KLK14: variants seen among roughly 807,000 people sequenced by gnomAD.
The protein encoded by KLK14 is kallikrein related peptidase 14, also known as kallikrein-14.
Under a neutral mutation model 24.6 loss-of-function variants are expected in KLK14, and 21 were observed. The observed-to-expected ratio is 0.85, with a 90% CI of 0.61 to 1.23. The LOEUF is 1.23. Among genes scored for constraint, KLK14 ranks in the 50% most tolerant of loss-of-function variants. The pLI is 0.00. For synonymous variants in KLK14, 133 were observed against 139.7 expected, an observed-to-expected ratio of 0.95 and a Z score of 0.34; for missense variants, 320 against 338.9, an observed-to-expected ratio of 0.94 and a Z score of 0.44.
Position 51,078,897 on chromosome 19 carries a change from A to G in KLK14, c.521T>C (p.Val174Ala). Residue 174 changes from valine (V) to alanine (A), a missense_variant, in exon 5 of 6, where the codon GTG becomes GCG. Physicochemically the swap from Val to Ala is moderately conservative, Grantham distance 64 (BLOSUM62 0). Coordinates refer to ENST00000650543, the MANE Select transcript of KLK14 (RefSeq NM_001369775.2). This position sits in a 1 kb window ranked among gnomAD's most constrained non-coding sequence, Gnocchi z 5.0. Reference protein sequence around the residue: ...CVNINISPDEVCQKAYPRTIT... With the variant: ...CVNINISPDEACQKAYPRTIT... ...GGTTCTAGGATAGGCCTTCTGGCAC[A>G]CCTCATCCGGGGAGATGTTGATGTT... is the stretch of plus-strand genomic sequence containing the variant. 3 of 1,613,994 alleles carry G rather than the reference A, an allele frequency of 1.9e-6. No homozygotes were observed. Among genetic ancestry groups the G allele is most frequent in the Non-Finnish European group, 2.5e-6 (3 of 1,179,924 alleles).
In KLK14 at chr19:51,082,471, C is replaced by T. The variant is rs2091846661; in HGVS notation, c.40+104G>A. 12 of 1,044,448 alleles carry T rather than the reference C, an allele frequency of 1.1e-5. No homozygotes were observed. The South Asian group carries it at 1.7e-4, about 15-fold the overall frequency. 64.7% of individuals were successfully genotyped at this position (1,044,448 alleles called of 1,614,324 possible). A position where few individuals can be genotyped will look rare whatever the true frequency, so the allele number is the denominator to read the frequency against. On this transcript the variant is annotated intron_variant, in intron 2 of 5. Coordinates refer to ENST00000650543, the MANE Select transcript of KLK14 (RefSeq NM_001369775.2). ...ACCCCCAAACCACTCCCTGCTCTTTCTTATGAGGTCACCATGAGCATCCAG... is the reference window on the plus strand; with the variant it reads ...ACCCCCAAACCACTCCCTGCTCTTTTTTATGAGGTCACCATGAGCATCCAG...
rs2091828480 is a variant in KLK14 at position 51,079,797 on chromosome 19, TC to T, written c.213-96del. ...GGTTCCCTGGCCGGGTGACGAGTCT[TC>T]CCCGAGGTCTAGCCTGCTTCTCACT... On this transcript the variant is annotated intron_variant, in intron 3 of 5. Transcript: ENST00000650543. The T allele has an allele frequency of 2.7e-6, 4 of 1,469,874 alleles. No individual in the cohort carries two copies. In the African/African-American group the frequency reaches 5.6e-5, roughly 21 times the overall value. 91.1% of individuals were successfully genotyped at this position (1,469,874 alleles called of 1,614,324 possible).
upstream of KLK14, chr19:51,084,182 C>G (rs2091856909): frequency 6.6e-6 from 1 of 152,444 alleles, no homozygotes; most frequent in Non-Finnish European, 1.5e-5. Context: ...AGCAGAGGCC[C>G]CAGCAGGGAG....
In KLK14 at chr19:51,079,474, G is replaced by A. The variant is rs750229655; in HGVS notation, c.441C>T (p.Gly147=). The A allele has an allele frequency of 6.2e-7, 1 of 1,613,210 alleles. No homozygotes were observed. Among genetic ancestry groups the A allele is most frequent in the Non-Finnish European group, 8.5e-7 (1 of 1,179,798 alleles). ...CGATGGGGCTGGATATAGTTCCCCA[G>A]CCTGACACTCGGCAGGAGGTCCCGG... ...ASPGTSCRVS[G]WGTISSPIAR... is the part of the protein sequence containing the mutation. The change falls in exon 4 of 6, where the codon GGC becomes GGT. Residue 147 remains glycine, a synonymous_variant. Coordinates refer to ENST00000650543, the MANE Select transcript of KLK14 (RefSeq NM_001369775.2).
At position 51,082,841 on chromosome 19, in the gene KLK14, G is replaced by A. The variant is rs2091849654; in HGVS notation, c.-142C>T. 1 of 1,390,584 alleles carries A rather than the reference G, an allele frequency of 7.2e-7. No individual in the cohort carries two copies. Among genetic ancestry groups the A allele is most frequent in the Non-Finnish European group, 1.0e-6 (1 of 999,704 alleles). The allele number at this position is 1,390,584 out of a possible 1,614,324, so 86.1% of individuals were successfully genotyped here. The stretch of plus-strand genomic sequence containing the variant: ...GTGGGAGGATGTGGAGCAGGGCACA[G>A]GTCCCTCCTTGATGTCTTGATGAAG... On this transcript the variant is annotated 5_prime_UTR_variant, in exon 1 of 6. Coordinates refer to ENST00000650543, the MANE Select transcript of KLK14 (RefSeq NM_001369775.2).
intron 3 of KLK14, 47 bp downstream of exon 3, chr19:51,081,485 G>T: frequency 7.0e-7 from 1 of 1,428,308 alleles, no homozygotes; most frequent in East Asian, 2.7e-5. Flanking sequence ...TAGGGCTTTA[G>T]ACTCTGGAAT....
upstream of KLK14, among the ~76,000 whole-genome samples, chr19:51,083,328 A>G (rs1215442921): frequency 6.7e-6 from 1 of 149,308 alleles, no homozygotes; most frequent in Admixed American, 6.7e-5. Context: ...AGAGATGGAG[A>G]GAGAGAAAGA....
rs559353638 is a variant in KLK14, at chr19:51,078,409, C to T, written c.604-250G>A. On this transcript the variant is annotated intron_variant, in intron 5 of 5. Transcript: ENST00000650543. This position sits in a 1 kb window ranked among gnomAD's most constrained non-coding sequence, Gnocchi z 5.0. Reference sequence around the variant, plus strand: ...GAATCTCACCAGGCCCCTCTCTGTTCGCTCCAACTGTAGAACATTTGTGTG... The same window carrying T: ...GAATCTCACCAGGCCCCTCTCTGTTTGCTCCAACTGTAGAACATTTGTGTG... Among the ~76,000 whole-genome samples the T allele has an allele frequency of 5.9e-5, 9 of 152,268 alleles. No homozygotes were observed. The East Asian group carries it at 1.7e-3, about 29-fold the overall frequency.
chr19:51,079,079 C>G (rs2091821451), intron 4 of KLK14, 128 bp from the exon 5 acceptor site: 1 of 1,125,330 alleles, frequency 8.9e-7, no homozygotes, highest in South Asian at 1.5e-5. Flanking sequence ...ACCCAGGAGT[C>G]CAGGCCCCCA....
At chr19:51,080,598 T>C (rs984866470) in intron 3 of KLK14, among the ~76,000 whole-genome samples, 1 of 152,216 alleles carries the variant, frequency 6.6e-6, no homozygotes, top group African/African-American at 2.4e-5. Context: ...GGGTCTGGGT[T>C]GTAAGTTCAG....
At chr19:51,084,023 C>T (rs937133910), upstream of KLK14, 19 of 147,884 alleles carry the variant, frequency 1.3e-4, no homozygotes, top group African/African-American at 2.5e-4. Flanking sequence ...ACAGAGGAGA[C>T]GGAGGCCTAG....
At position 51,078,822 on chromosome 19, in the gene KLK14, G is replaced by A; in HGVS notation, c.596C>T (p.Ser199Phe). 6.2e-7 allele frequency: 1 copy of A among 1,613,654 alleles called. No homozygotes were observed. The highest frequency in any genetic ancestry group is 8.5e-7 in the Non-Finnish European group (1 of 1,179,716). ...CAGVPQGGKD[S>F]CQGDSGGPLV... ...TCCCATCCTGGGCCTTACCTGACAA[G>A]AGTCCTTCCCGCCCTGGGGAACTCC... is the stretch of plus-strand genomic sequence containing the variant. Residue 199 changes from serine to phenylalanine, a missense_variant, in exon 5 of 6, where the codon TCT (serine) becomes TTT (phenylalanine). Coordinates refer to ENST00000650543, the MANE Select transcript of KLK14 (RefSeq NM_001369775.2). This position sits in a 1 kb window ranked among gnomAD's most constrained non-coding sequence, Gnocchi z 5.0.
At position 51,077,966 on chromosome 19, in the gene KLK14, G is replaced by C; in HGVS notation, c.*41C>G. ...CCTGGGTCCTGAGTAGAGAGAGGAG[G>C]GCCTGGGCAGCTGACGAGGTCCATC... On this transcript the variant is annotated 3_prime_UTR_variant, in exon 6 of 6. Coordinates refer to ENST00000650543, the MANE Select transcript of KLK14 (RefSeq NM_001369775.2). 1 of 1,606,834 alleles carries C rather than the reference G, an allele frequency of 6.2e-7. No homozygotes were observed. The highest frequency in any genetic ancestry group is 2.2e-5 in the East Asian group (1 of 44,860).
chr19:51,081,718 G>A lies in KLK14; in HGVS notation c.41-15C>T. ...CTGTGTCATGGCTAGGAGTGGACAG[G>A]ATTGGGTGGGGAAAGTAGATGAGCA... is the stretch of plus-strand genomic sequence containing the variant. On this transcript the variant is annotated splice_polypyrimidine_tract_variant and intron_variant, in intron 2 of 5. Coordinates refer to ENST00000650543, the MANE Select transcript of KLK14 (RefSeq NM_001369775.2). 5.3e-6 allele frequency: 8 copies of A among 1,504,124 alleles called. No individual in the cohort carries two copies. The highest frequency in any genetic ancestry group is 7.2e-6 in the Non-Finnish European group (8 of 1,118,588). 93.2% of individuals were successfully genotyped at this position (1,504,124 alleles called of 1,614,324 possible).
At chr19:51,083,286 G>GGA (rs756954891), upstream of KLK14, among the ~76,000 whole-genome samples, 642 of 133,398 alleles carry the variant, frequency 4.8e-3, 3 homozygotes, top group East Asian at 6.9e-3. Flanking sequence ...AGGGAGAGAG[G>GGA]GAGAGAGAGA....
chr19:51,081,651 G>A lies in KLK14; in HGVS notation c.93C>T (p.Cys31=), dbSNP rs1231216093. 1.3e-6 allele frequency: 2 copies of A among 1,552,470 alleles called. No individual in the cohort carries two copies. Among genetic ancestry groups the A allele is most frequent in the Non-Finnish European group, 1.7e-6 (2 of 1,147,248 alleles). ...DENKIIGGHT[C]TRSSQPWQAA... is the part of the protein sequence containing the mutation. ...CCTGCCACGGCTGGGAGCTCCGGGTGCACGTATGGCCACCAATTATCTTGT... is the reference window on the plus strand; with the variant it reads ...CCTGCCACGGCTGGGAGCTCCGGGTACACGTATGGCCACCAATTATCTTGT... The change falls in exon 3 of 6, where the codon TGC becomes TGT. Residue 31 remains cysteine (C), a synonymous_variant. Transcript: ENST00000650543.
chr19:51,078,886 C>T lies in KLK14; in HGVS notation c.532G>A (p.Ala178Thr), dbSNP rs1479988344. The T allele has an allele frequency of 6.2e-7, 1 of 1,613,976 alleles. No individual in the cohort carries two copies. The highest frequency in any genetic ancestry group is 1.1e-5 in the South Asian group (1 of 91,096). The change falls in exon 5 of 6, where the codon GCC (alanine) becomes ACC (threonine). Residue 178 changes from alanine to threonine, a missense_variant. Transcript: ENST00000650543. This position sits in a 1 kb window ranked among gnomAD's most constrained non-coding sequence, Gnocchi z 5.0. The stretch of plus-strand genomic sequence containing the variant: ...CCAGGCGTGATGGTTCTAGGATAGG[C>T]CTTCTGGCACACCTCATCCGGGGAG... ...NISPDEVCQK[A>T]YPRTITPGMV...
At position 51,077,910 on chromosome 19, in the gene KLK14, G is replaced by A; in HGVS notation, c.*97C>T. The A allele has an allele frequency of 6.8e-7, 1 of 1,464,116 alleles. No individual in the cohort carries two copies. The highest frequency in any genetic ancestry group is 9.3e-7 in the Non-Finnish European group (1 of 1,076,554). The allele number at this position is 1,464,116 out of a possible 1,614,324, so 90.7% of individuals were successfully genotyped here. On this transcript the variant is annotated 3_prime_UTR_variant, in exon 6 of 6. Transcript: ENST00000650543. ...AGGGGCTGGGGGCCTGGACTCCTGG[G>A]TCTGAGGGAGGAGGGGCTGGGGCCT... is the stretch of plus-strand genomic sequence containing the variant.
rs1244883755 is a variant in KLK14 at position 51,082,575 on chromosome 19, C to T, written c.40G>A (p.Ala14Thr). ...LLTALQVLAI[A>T]MTQSQEDENK... ...GTGTCATACCCAACCGTTCTCTTACCTATAGCCAGGACTTGAAGTGCTGTC... is the reference window on the plus strand; with the variant it reads ...GTGTCATACCCAACCGTTCTCTTACTTATAGCCAGGACTTGAAGTGCTGTC... Residue 14 changes from alanine to threonine, a missense_variant and splice_region_variant, in exon 2 of 6, where the codon GCC (alanine) becomes ACC (threonine). Coordinates refer to ENST00000650543, the MANE Select transcript of KLK14 (RefSeq NM_001369775.2). 6.2e-7 allele frequency: 1 copy of T among 1,613,936 alleles called. No individual in the cohort carries two copies. The highest frequency in any genetic ancestry group is 1.7e-5 in the Admixed American group (1 of 60,026).
Sources: allele counts gnomAD v4.1 joint callset (sites outside exome capture counted in the v4.1 genomes callset), GRCh38; gene constraint gnomAD v4.1.1; non-coding constraint Gnocchi (gnomAD v3.1); transcripts MANE v1.5; gene names NCBI Gene and HGNC (gene_info 2026-07-23, HGNC 2026-07-21).